Variants in HDAC9 observed in about 807,000 individuals in gnomAD.
HDAC9 encodes the protein MEF-2 interacting transcription repressor (MITR) protein.
In HDAC9, 41 loss-of-function variants were observed where a neutral mutation model predicts 139.4. The observed-to-expected ratio is 0.29, with a 90% confidence interval of 0.23 to 0.38. HDAC9 has a LOEUF of 0.38. HDAC9 is among the 10% of genes least tolerant of loss of function. HDAC9 has a pLI of 1.00. For synonymous variants in HDAC9, 517 were observed against 476.2 expected (o/e 1.09, Z -1.12); for missense variants, 1,147 against 1,297.0 (o/e 0.88, Z 1.78).
chr7:18,365,636 T>C (rs535479192), intron 1 of HDAC9, among the ~76,000 whole-genome samples: 1 of 37,790 alleles, frequency 2.6e-5, no homozygotes, highest in Non-Finnish European at 6.3e-5. Flanking sequence ...ATAGTCTTTA[T>C]GACTTTTTTT....
chr7:18,283,896 A>G (rs192288614), intron 2 of HDAC9, among the ~76,000 whole-genome samples: 10 of 152,196 alleles, frequency 6.6e-5, no homozygotes, highest in Non-Finnish European at 5.9e-5. Context: ...AATCAGAACA[A>G]CAAAGTTCTC....
At chr7:18,127,535 A>G (rs1784744703) in intron 1 of HDAC9, among the ~76,000 whole-genome samples, 2 of 152,158 alleles carry the variant, frequency 1.3e-5, no homozygotes, top group Admixed American at 6.6e-5. Context: ...AAACTTAAAC[A>G]TTAACTGGGG....
At chr7:18,286,245 A>G (rs1350308531), upstream of HDAC9, among the ~76,000 whole-genome samples, 1 of 151,942 alleles carries the variant, frequency 6.6e-6, no homozygotes, top group Non-Finnish European at 1.5e-5. Flanking sequence ...CTTCCTAAGA[A>G]AAAAAGAAAA....
intron 1 of HDAC9, among the ~76,000 whole-genome samples, chr7:18,418,973 G>A (rs1439500593): frequency 6.6e-6 from 1 of 152,134 alleles, no homozygotes; most frequent in African/African-American, 2.4e-5. Context: ...TTTTGTTTTT[G>A]AGCATCTGCC....
Position 18,648,655 on chromosome 7 carries a change from A to C in HDAC9, c.1439A>C (p.Gln480Pro). Residue 480 changes from glutamine to proline, a missense_variant, in exon 11 of 26, where the codon CAA becomes CCA. Physicochemically the swap from Gln to Pro is moderately conservative, Grantham distance 76 (BLOSUM62 -1). Around this residue, in one of 7 missense-constraint regions of HDAC9, gnomAD observed 256 missense variants for 219.2 expected, o/e 1.17. Coordinates refer to ENST00000686413, the MANE Select transcript of HDAC9 (RefSeq NM_178425.4). ...QHQQFLEKQK[Q>P]YQQQIHMNKL... ...CAGCAATTCTTGGAGAAGCAGAAGCAATACCAGCAGCAGATCCACATGAAC... is the reference window on the plus strand; with the variant it reads ...CAGCAATTCTTGGAGAAGCAGAAGCCATACCAGCAGCAGATCCACATGAAC... 1.2e-6 allele frequency: 2 copies of C among 1,613,104 alleles called. No individual in the cohort carries two copies. Among genetic ancestry groups the C allele is most frequent in the Non-Finnish European group, 1.7e-6 (2 of 1,179,484 alleles).
intron 2 of HDAC9, among the ~76,000 whole-genome samples, chr7:18,230,784 C>T (rs936707597): frequency 1.3e-5 from 2 of 152,068 alleles, no homozygotes; most frequent in Non-Finnish European, 2.9e-5. Flanking sequence ...ATTTTAAAAG[C>T]CTATCATCAA....
intron 13 of HDAC9, among the ~76,000 whole-genome samples, chr7:18,729,448 C>A (rs1785842615): frequency 6.6e-6 from 1 of 152,114 alleles, no homozygotes; most frequent in African/African-American, 2.4e-5. Context: ...CCTTTTCTGA[C>A]ATACTTCAGT....
At chr7:18,491,545 A>G (rs1796368879), upstream of HDAC9, among the ~76,000 whole-genome samples, 1 of 152,046 alleles carries the variant, frequency 6.6e-6, no homozygotes, top group South Asian at 2.1e-4. Context: ...CAGTGGGTCA[A>G]CAACACGCAT....
rs766868322 is a variant in HDAC9, at chr7:18,722,528, T to TA, written c.1732-5045dup. Among the ~76,000 whole-genome samples the TA allele has an allele frequency of 9.9e-5, 15 of 152,194 alleles. No individual in the cohort carries two copies. In the East Asian group the frequency reaches 1.9e-3, roughly 20 times the overall value. Reference sequence around the variant, plus strand: ...ATTATCTCAGTAAAACTACTAATGGTAAAAAAACTGGCTTAGTGAAACACT... The same window carrying TA: ...ATTATCTCAGTAAAACTACTAATGGTAAAAAAAACTGGCTTAGTGAAACACT... On this transcript the variant is annotated intron_variant, in intron 12 of 25. Coordinates refer to ENST00000686413, the MANE Select transcript of HDAC9 (RefSeq NM_178425.4).
chr7:18,645,939 C>T (rs2129023264), intron 9 of HDAC9, among the ~76,000 whole-genome samples: 1 of 151,974 alleles, frequency 6.6e-6, no homozygotes, highest in South Asian at 2.1e-4. Context: ...TGTTCTTATA[C>T]CAATGAGGAA....
intron 1 of HDAC9, among the ~76,000 whole-genome samples, chr7:18,488,656 G>A (rs1423363870): frequency 6.6e-6 from 1 of 152,000 alleles, no homozygotes; most frequent in Non-Finnish European, 1.5e-5. Context: ...TGGAAGCTCT[G>A]TCATGACTAC....
chr7:18,343,492 G>A (rs1782169876), intron 1 of HDAC9, among the ~76,000 whole-genome samples: 1 of 151,840 alleles, frequency 6.6e-6, no homozygotes, highest in South Asian at 2.1e-4. Flanking sequence ...ATGTTGCCTA[G>A]TGTATGGTGT....
At chr7:18,542,590 C>G (rs7780668) in intron 2 of HDAC9, among the ~76,000 whole-genome samples, 2 of 152,116 alleles carry the variant, frequency 1.3e-5, no homozygotes, top group South Asian at 4.1e-4. Flanking sequence ...TAAATACATG[C>G]AACAAAGCTC....
At chr7:18,892,686 C>T (rs929735698) in intron 22 of HDAC9, 2 of 152,118 alleles carry the variant, frequency 1.3e-5, no homozygotes, top group African/African-American at 4.8e-5. Flanking sequence ...TGTATCTATT[C>T]TCTTATGATG....
At chr7:18,504,867 C>T (rs910885011) in intron 2 of HDAC9, among the ~76,000 whole-genome samples, 1 of 152,150 alleles carries the variant, frequency 6.6e-6, no homozygotes, top group Non-Finnish European at 1.5e-5. Flanking sequence ...GTTTAAATGG[C>T]AGGGTCCTGC....
intron 21 of HDAC9, among the ~76,000 whole-genome samples, chr7:18,871,275 A>AT (rs1407130902): frequency 2.0e-5 from 3 of 152,182 alleles, no homozygotes; most frequent in Admixed American, 1.3e-4. Flanking sequence ...CTTTTAAAGC[A>AT]TTTTTTTGAC....
intron 2 of HDAC9, among the ~76,000 whole-genome samples, chr7:18,187,676 T>G (rs1036317652): frequency 6.6e-6 from 1 of 152,178 alleles, no homozygotes; most frequent in Non-Finnish European, 1.5e-5. Flanking sequence ...CTACTTTCCC[T>G]CTCCCCTCCA....
chr7:18,707,042 T>C (rs1783981882), intron 12 of HDAC9, among the ~76,000 whole-genome samples: 1 of 148,922 alleles, frequency 6.7e-6, no homozygotes, highest in Non-Finnish European at 1.5e-5. Context: ...AAGAAGAAAG[T>C]GTGGAAATAG....
chr7:18,581,728 A>G (rs1442314538), intron 2 of HDAC9, among the ~76,000 whole-genome samples: 6 of 152,200 alleles, frequency 3.9e-5, no homozygotes, highest in African/African-American at 1.2e-4. Context: ...AATTATGCCA[A>G]GTCTTTTAGT....
Sources: gnomAD v4.1 joint callset for allele counts (sites outside exome capture counted in the v4.1 genomes callset) on GRCh38, gnomAD v4.1.1 for gene constraint, gnomAD v4.1.1 regional missense constraint, MANE v1.5 for transcripts, NCBI Gene and HGNC (gene_info 2026-07-23, HGNC 2026-07-21) for gene names.